RBMS3: variants seen among roughly 807,000 people sequenced by gnomAD.
RBMS3 encodes RNA-binding motif, single-stranded-interacting protein 3.
Under a neutral mutation model 66.8 loss-of-function variants are expected in RBMS3, and 27 were observed. The observed-to-expected ratio is 0.40, with a 90% CI of 0.30 to 0.56. The LOEUF (loss-of-function observed/expected upper bound fraction) is 0.56, where lower values mean the gene tolerates loss of function less well. Ranked by LOEUF, RBMS3 falls within the 20% of genes least tolerant of loss-of-function variation. RBMS3 has a pLI of 0.40. For missense variants in RBMS3, 513 were observed against 549.5 expected, an observed-to-expected ratio of 0.93 and a Z score of 0.66; for synonymous variants, 188 against 183.0, an observed-to-expected ratio of 1.03 and a Z score of -0.22.
At position 29,548,591 on chromosome 3, in the gene RBMS3, G is replaced by GTACTT. The variant is rs1259522501; in HGVS notation, c.308-38520_308-38516dup. ...ATGACAAATAAGAACAATAACAACA[G>GTACTT]TACTTTATAAGAAAAAGGAAAACTG... On this transcript the variant is annotated intron_variant, in intron 3 of 14. Coordinates refer to ENST00000383767, the MANE Select transcript of RBMS3 (RefSeq NM_001003793.3). Among the ~76,000 whole-genome samples, 17 of 151,950 alleles carry GTACTT rather than the reference G, an allele frequency of 1.1e-4. No homozygotes were observed. The South Asian group carries it at 2.9e-3, about 26-fold the overall frequency.
intron 1 of RBMS3, among the ~76,000 whole-genome samples, chr3:29,406,560 G>A (rs948831133): frequency 3.3e-5 from 5 of 152,080 alleles, no homozygotes; most frequent in Admixed American, 6.5e-5. Flanking sequence ...TTTTACACAT[G>A]ATTTGTTAAG....
intron 1 of RBMS3, among the ~76,000 whole-genome samples, chr3:29,409,345 A>G (rs1452248008): frequency 6.6e-6 from 1 of 151,116 alleles, no homozygotes; most frequent in African/African-American, 2.4e-5. Context: ...CTTTTTTCAT[A>G]TATTATCTCA....
chr3:29,731,395 G>T (rs963567245), intron 4 of RBMS3, among the ~76,000 whole-genome samples: 1 of 152,160 alleles, frequency 6.6e-6, no homozygotes. Flanking sequence ...TCCTCTAACT[G>T]AATCACCATG....
chr3:29,661,255 G>A (rs1650715913), intron 4 of RBMS3, among the ~76,000 whole-genome samples: 1 of 152,076 alleles, frequency 6.6e-6, no homozygotes, highest in Admixed American at 6.6e-5. Flanking sequence ...GTCCAGGTGG[G>A]GAGACAAATT....
intron 3 of RBMS3, among the ~76,000 whole-genome samples, chr3:29,498,367 A>AT (rs2043841775): frequency 6.6e-6 from 1 of 152,068 alleles, no homozygotes; most frequent in Non-Finnish European, 1.5e-5. Flanking sequence ...GTTTAAAGCT[A>AT]TTTTTGTTCA....
intron 3 of RBMS3, among the ~76,000 whole-genome samples, chr3:29,535,874 G>A (rs1230894443): frequency 6.6e-6 from 1 of 151,594 alleles, no homozygotes; most frequent in Non-Finnish European, 1.5e-5. Context: ...CCATTTACTA[G>A]TTAAGTGATT....
intron 3 of RBMS3, among the ~76,000 whole-genome samples, chr3:29,541,146 A>G (rs1475683311): frequency 1.3e-5 from 2 of 152,136 alleles, no homozygotes; most frequent in Non-Finnish European, 2.9e-5. Flanking sequence ...ACTATTAAGC[A>G]CTAAATGAAT....
chr3:29,563,760 C>G (rs1476428171), intron 3 of RBMS3, among the ~76,000 whole-genome samples: 1 of 152,046 alleles, frequency 6.6e-6, no homozygotes, highest in African/African-American at 2.4e-5. Flanking sequence ...CGTGGTGACT[C>G]ATGGCTATAA....
intron 14 of RBMS3, among the ~76,000 whole-genome samples, chr3:29,996,064 T>C (rs1421922702): frequency 6.6e-6 from 1 of 152,004 alleles, no homozygotes; most frequent in Non-Finnish European, 1.5e-5. Context: ...AATAAAAGGA[T>C]GGAAGAAGAT....
chr3:29,516,976 G>T (rs2044651294), intron 3 of RBMS3, among the ~76,000 whole-genome samples: 1 of 152,008 alleles, frequency 6.6e-6, no homozygotes, highest in Admixed American at 6.6e-5. Flanking sequence ...AATTTGGGAG[G>T]TTGAGGCAGG....
At position 29,592,195 on chromosome 3, in the gene RBMS3, T is replaced by TACAC. The variant is rs68074936; in HGVS notation, c.399+5006_399+5009dup. The stretch of plus-strand genomic sequence containing the variant: ...AAAATATTTTAAATTCAAACACACA[T>TACAC]ACACACACACACACACACAATGAAT... On this transcript the variant is annotated intron_variant, in intron 4 of 14. Coordinates refer to ENST00000383767, the MANE Select transcript of RBMS3 (RefSeq NM_001003793.3). Among the ~76,000 whole-genome samples the TACAC allele has an allele frequency of 7.4e-3, 1,097 of 149,228 alleles. 16 individuals are homozygous for TACAC. The highest frequency in any genetic ancestry group is 0.026 in the African/African-American group (1,057 of 40,916).
At chr3:29,609,333 C>A (rs1337949265) in intron 4 of RBMS3, among the ~76,000 whole-genome samples, 1 of 151,862 alleles carries the variant, frequency 6.6e-6, no homozygotes, top group Non-Finnish European at 1.5e-5. Context: ...TGTCAATGAC[C>A]AGGAAGCACA....
intron 12 of RBMS3, among the ~76,000 whole-genome samples, chr3:29,948,641 G>C (rs1695479369): frequency 6.6e-6 from 1 of 151,764 alleles, no homozygotes; most frequent in Non-Finnish European, 1.5e-5. Context: ...TATTGTAAAA[G>C]ACCTGACACA....
At chr3:29,702,132 G>A (rs1250517595) in intron 4 of RBMS3, among the ~76,000 whole-genome samples, 1 of 152,188 alleles carries the variant, frequency 6.6e-6, no homozygotes, top group Non-Finnish European at 1.5e-5. Flanking sequence ...CTCAAGGTTT[G>A]TAAATGCACC....
At chr3:29,472,961 G>A (rs936990709) in intron 2 of RBMS3, among the ~76,000 whole-genome samples, 9 of 108,802 alleles carry the variant, frequency 8.3e-5, no homozygotes, top group African/African-American at 3.1e-4. Context: ...TTGACAGGGC[G>A]CTGATTGGTG....
intron 14 of RBMS3, among the ~76,000 whole-genome samples, chr3:30,000,708 C>A (rs751623975): frequency 6.6e-6 from 1 of 152,110 alleles, no homozygotes; most frequent in East Asian, 1.9e-4. Flanking sequence ...ACCATGCAGT[C>A]ATAAAAAGGA....
intron 3 of RBMS3, among the ~76,000 whole-genome samples, chr3:29,546,683 T>C (rs1268967166): frequency 6.6e-6 from 1 of 152,202 alleles, no homozygotes; most frequent in Admixed American, 6.5e-5. Flanking sequence ...CTTGCAAGTG[T>C]AAGTTTTGCT....
At chr3:29,801,138 G>A (rs558954474) in intron 6 of RBMS3, among the ~76,000 whole-genome samples, 44 of 152,160 alleles carry the variant, frequency 2.9e-4, no homozygotes, top group African/African-American at 1.0e-3. Context: ...TTTATTTAAA[G>A]CCATATCAGA....
At chr3:30,002,470 A>G (rs150633890) in intron 14 of RBMS3, among the ~76,000 whole-genome samples, 75 of 152,184 alleles carry the variant, frequency 4.9e-4, no homozygotes, top group African/African-American at 1.7e-3. Context: ...TTAGACATAA[A>G]TGGAGTAAGT....
Sources: allele counts gnomAD v4.1 joint callset (sites outside exome capture counted in the v4.1 genomes callset), GRCh38; gene constraint gnomAD v4.1.1; transcripts MANE v1.5; gene names NCBI Gene and HGNC (gene_info 2026-07-23, HGNC 2026-07-21).